BRCA1: variants seen among roughly 807,000 people sequenced by gnomAD.
BRCA1 encodes breast cancer type 1 susceptibility protein.
Under a neutral mutation model 173.7 loss-of-function variants are expected in BRCA1, and 140 were observed. That is an observed-to-expected ratio of 0.81 (90% confidence interval 0.70 to 0.93). The LOEUF is 0.93. BRCA1 is among the 40% of genes least tolerant of loss of function. BRCA1 has a pLI of 0.00. For missense variants in BRCA1, 1,983 were observed against 2,172.5 expected (o/e 0.91, Z 1.73); for synonymous variants, 662 against 756.0 (o/e 0.88, Z 2.04).
At chr17:43,157,102 C>T (rs970155396) in intron 1 of BRCA1, among the ~76,000 whole-genome samples, 2 of 152,148 alleles carry the variant, frequency 1.3e-5, no homozygotes, top group African/African-American at 4.8e-5. Context: ...GCAAATTCTT[C>T]TGAAAGTCAA....
At chr17:43,081,885 T>G (rs1488284976) in intron 12 of BRCA1, among the ~76,000 whole-genome samples, 1 of 152,138 alleles carries the variant, frequency 6.6e-6, no homozygotes, top group Admixed American at 6.5e-5. Context: ...TAATTAGGCT[T>G]TCTGTGTTGT....
At chr17:43,085,684 C>T (rs2053202057) in intron 11 of BRCA1, among the ~76,000 whole-genome samples, 1 of 152,078 alleles carries the variant, frequency 6.6e-6, no homozygotes, top group Non-Finnish European at 1.5e-5. Context: ...CTTAAGTCCC[C>T]ACCAGGAGGA....
At chr17:43,085,746 A>G (rs1218297450) in intron 11 of BRCA1, among the ~76,000 whole-genome samples, 2 of 152,142 alleles carry the variant, frequency 1.3e-5, no homozygotes, top group Non-Finnish European at 2.9e-5. Flanking sequence ...GCTAATTCTA[A>G]TAAGACTCCT....
In BRCA1 at chr17:43,091,048, C is replaced by T. The variant is rs1555586303; in HGVS notation, c.4097-16G>A. On this transcript the variant is annotated splice_polypyrimidine_tract_variant and intron_variant, in intron 10 of 22. Coordinates refer to ENST00000357654, the MANE Select transcript of BRCA1 (RefSeq NM_007294.4). ...GCTGCTTCACCTTAAATAACAAAAA[C>T]AGAGGTTCAGATGTAAAAGCAGACT... is the stretch of plus-strand genomic sequence containing the variant. The T allele has an allele frequency of 6.2e-7, 1 of 1,605,884 alleles. No individual in the cohort carries two copies. The highest frequency in any genetic ancestry group is 1.3e-5 in the African/African-American group (1 of 74,948).
chr17:43,050,880 GT>G (rs201644509), intron 20 of BRCA1, among the ~76,000 whole-genome samples, 182 bp downstream of exon 20: 2 of 151,430 alleles, frequency 1.3e-5, no homozygotes, highest in Non-Finnish European at 2.9e-5. Context: ...ACAAGGTATA[GT>G]TTTTTTTTGC....
rs577434223 is a variant in BRCA1 at position 43,104,391 on chromosome 17, A to AT, written c.302-131dup. 86 of 1,051,910 alleles carry AT rather than the reference A, an allele frequency of 8.2e-5. 1 individual carries two copies. Among genetic ancestry groups the AT allele is most frequent in the East Asian group, 5.4e-4 (20 of 37,372 alleles). The allele number at this position is 1,051,910 out of a possible 1,614,324, so 65.2% of individuals were successfully genotyped here. On this transcript the variant is annotated intron_variant, in intron 5 of 22. Coordinates refer to ENST00000357654, the MANE Select transcript of BRCA1 (RefSeq NM_007294.4). Reference sequence around the variant, plus strand: ...AGACAATGCATTAAGGTTACCTGTGATTTTTTTTAAAAATCAAATTTTAAA... The same window carrying AT: ...AGACAATGCATTAAGGTTACCTGTGATTTTTTTTTAAAAATCAAATTTTAAA...
Position 43,045,756 on chromosome 17 carries a change from C to A in BRCA1, c.5514G>T (p.Val1838=), listed in dbSNP as rs786201248. The A allele has an allele frequency of 1.9e-6, 3 of 1,614,136 alleles. No individual in the cohort carries two copies. Among genetic ancestry groups the A allele is most frequent in the Non-Finnish European group, 1.7e-6 (2 of 1,180,036 alleles). ...CEAPVVTREW[V]LDSVALYQCQ... ...ACTGGTAGAGTGCTACACTGTCCAA[C>A]ACCCACTCTCGGGTCACCACAGGTG... The change falls in exon 23 of 23, where the codon GTG becomes GTT. Residue 1838 remains valine, a synonymous_variant. Transcript: ENST00000357654.
chr17:43,089,198 TC>T (rs1261414148), intron 11 of BRCA1, among the ~76,000 whole-genome samples: 4 of 152,000 alleles, frequency 2.6e-5, no homozygotes, highest in Admixed American at 6.6e-5. Context: ...TCACCTGTAA[TC>T]CCAGCTACTT....
Position 43,092,531 on chromosome 17 carries a change from C to A in BRCA1, c.3000G>T (p.Glu1000Asp), listed in dbSNP as rs748410422. 1.2e-6 allele frequency: 2 copies of A among 1,613,888 alleles called. 1 individual carries two copies. The highest frequency in any genetic ancestry group is 2.2e-5 in the South Asian group (2 of 91,072). ...ACATTGAATGTTCCTCAAAGTTTTC[C>A]TCTAGCAGATTTTTCTTACATTTAG... ...VKTKCKKNLLEENFEEHSMSP... is the reference protein window; with the variant it reads ...VKTKCKKNLLDENFEEHSMSP... Residue 1000 changes from glutamate to aspartate, a missense_variant, in exon 10 of 23, where the codon GAG becomes GAT. Transcript: ENST00000357654.
chr17:43,073,247 GA>G (rs1056299022), intron 14 of BRCA1, among the ~76,000 whole-genome samples: 1 of 151,614 alleles, frequency 6.6e-6, no homozygotes, highest in South Asian at 2.1e-4. Flanking sequence ...TGTAAGAAAG[GA>G]AAAAAAAGTT....
rs757632961 is a variant in BRCA1, at chr17:43,092,313, C to T, written c.3218G>A (p.Gly1073Asp). The T allele has an allele frequency of 1.9e-6, 3 of 1,613,850 alleles. No individual in the cohort carries two copies. The highest frequency in any genetic ancestry group is 1.7e-6 in the Non-Finnish European group (2 of 1,179,986). ...ATTCAATTTTGGCCCTCTGTTTCTA[C>T]CTAGTTCTGCTTGAATGTTTTCATC... ...SSDENIQAEL[G>D]RNRGPKLNAM... is the part of the protein sequence containing the mutation. The change falls in exon 10 of 23, where the codon GGT becomes GAT. Residue 1073 changes from glycine (G) to aspartate (D), a missense_variant. Physicochemically the swap from Gly to Asp is moderately conservative, Grantham distance 94. Transcript: ENST00000357654.
chr17:43,156,169 G>T (rs376268287), intron 1 of BRCA1, among the ~76,000 whole-genome samples: 1 of 151,952 alleles, frequency 6.6e-6, no homozygotes, highest in Non-Finnish European at 1.5e-5. Context: ...CCCGGGAGGC[G>T]GAAGTTGCAG....
chr17:43,139,127 T>G (rs996040519), intron 1 of BRCA1, among the ~76,000 whole-genome samples: 1 of 151,784 alleles, frequency 6.6e-6, no homozygotes, highest in Admixed American at 6.6e-5. Context: ...AACACAAAGC[T>G]CCTAAAACCC....
At position 43,076,472 on chromosome 17, in the gene BRCA1, C is replaced by A. The variant is rs1369751677; in HGVS notation, c.4484+16G>T. The A allele has an allele frequency of 1.9e-6, 3 of 1,612,870 alleles. No homozygotes were observed. ...GATGTCAGATACCACAGCATCTTTA[C>A]ATTGATGTTTCTTACCTTTCCACTC... On this transcript the variant is annotated intron_variant, in intron 13 of 22. Coordinates refer to ENST00000357654, the MANE Select transcript of BRCA1 (RefSeq NM_007294.4).
chr17:43,055,491 T>C (rs2051420928), intron 19 of BRCA1, among the ~76,000 whole-genome samples: 1 of 152,040 alleles, frequency 6.6e-6, no homozygotes, highest in African/African-American at 2.4e-5. Flanking sequence ...CTAATAAAAA[T>C]ATAAAAATTA....
chr17:43,140,129 C>A (rs948070202), intron 1 of BRCA1: 1 of 317,764 alleles, frequency 3.1e-6, no homozygotes, highest in African/African-American at 2.2e-5. Flanking sequence ...ATCATGCCTG[C>A]GTGACAAAGC....
chr17:43,116,683 T>C (rs942553895), intron 2 of BRCA1, among the ~76,000 whole-genome samples: 8 of 152,156 alleles, frequency 5.3e-5, no homozygotes, highest in Non-Finnish European at 2.9e-5. Flanking sequence ...CACGCCCGGC[T>C]GATTTTTCGT....
intron 1 of BRCA1, among the ~76,000 whole-genome samples, chr17:43,135,740 A>G (rs2056015692): frequency 6.6e-6 from 1 of 152,168 alleles, no homozygotes; most frequent in Non-Finnish European, 1.5e-5. Context: ...CTCTTCTCGA[A>G]TGGGGGTGGC....
chr17:43,073,742 A>ATG (rs1428210755), intron 14 of BRCA1, among the ~76,000 whole-genome samples: 8 of 151,390 alleles, frequency 5.3e-5, no homozygotes, highest in African/African-American at 1.2e-4. Flanking sequence ...AATAAAATAT[A>ATG]TGTGTGTATA....
Sources: gnomAD v4.1 joint callset for allele counts (sites outside exome capture counted in the v4.1 genomes callset) on GRCh38, gnomAD v4.1.1 for gene constraint, MANE v1.5 for transcripts, NCBI Gene and HGNC (gene_info 2026-07-23, HGNC 2026-07-21) for gene names.